Variants in CCPG1 observed in about 807,000 individuals in gnomAD.
The protein encoded by CCPG1 is cell cycle progression protein 1.
A neutral mutation model predicts 81.3 loss-of-function variants in CCPG1; 46 were observed. That is an observed-to-expected ratio of 0.57 (90% CI 0.45 to 0.72). The LOEUF (loss-of-function observed/expected upper bound fraction) is 0.72, where lower values mean the gene tolerates loss of function less well. Among genes scored for constraint, CCPG1 ranks in the 30% least tolerant of loss-of-function variants. CCPG1 has a pLI of 0.00. For missense variants in CCPG1, 902 were observed against 937.6 expected, an observed-to-expected ratio of 0.96 and a Z score of 0.50; for synonymous variants, 330 against 305.2, an observed-to-expected ratio of 1.08 and a Z score of -0.85.
chr15:55,378,368 G>A lies in CCPG1; in HGVS notation c.184C>T (p.Gln62Ter). 6.2e-7 allele frequency: 1 copy of A among 1,605,304 alleles called. No individual in the cohort carries two copies. Among genetic ancestry groups the A allele is most frequent in the Non-Finnish European group, 8.5e-7 (1 of 1,174,678 alleles). Residue 62 changes from glutamine (Q) to a stop codon, truncating the protein, a stop_gained, in exon 4 of 9, where the codon CAA becomes TAA. Transcript: ENST00000442196. LOFTEE classifies it high-confidence loss of function. ...ALQIEQGESS[Q>*]NGTVLMEETA... ...TCTTCCATAAGCACTGTGCCATTTT[G>A]GCTGCTTTCTGATATAAAGCAAAGA...
intron 6 of CCPG1, among the ~76,000 whole-genome samples, chr15:55,368,515 G>A (rs2056378596): frequency 6.6e-6 from 1 of 152,084 alleles, no homozygotes; most frequent in Non-Finnish European, 1.5e-5. Flanking sequence ...CGAAGAGCCG[G>A]GTAGTCTATC....
intron 6 of CCPG1, 42 bp from the exon 7 acceptor site, chr15:55,365,351 TATC>T (rs1482573315): frequency 1.7e-6 from 2 of 1,154,266 alleles, no homozygotes; most frequent in East Asian, 2.4e-5. Flanking sequence ...ACAAAAATAT[TATC>T]ATTAAATGTT....
At chr15:55,405,581 G>A (rs1404379464) in intron 1 of CCPG1, among the ~76,000 whole-genome samples, 1 of 152,100 alleles carries the variant, frequency 6.6e-6, no homozygotes, top group Non-Finnish European at 1.5e-5. Context: ...CTGGTGACAT[G>A]TGCCTGTAGC....
intron 3 of CCPG1, among the ~76,000 whole-genome samples, chr15:55,384,921 G>C (rs1357083285): frequency 4.6e-5 from 7 of 152,128 alleles, no homozygotes. Context: ...TGTGATCAAT[G>C]AATAATTTTT....
At position 55,356,404 on chromosome 15, in the gene CCPG1, G is replaced by C; in HGVS notation, c.2240C>G (p.Pro747Arg). ...TFSPPYGPSR[P>R]DKKQRMVNIE... is the part of the protein sequence containing the mutation. ...ATTTACCATACGTTGCTTTTTATCAGGTCGACTGAAAGCAGTAAACACATT... is the reference window on the plus strand; with the variant it reads ...ATTTACCATACGTTGCTTTTTATCACGTCGACTGAAAGCAGTAAACACATT... Residue 747 changes from proline (P) to arginine (R), a missense_variant, in exon 9 of 9, where the codon CCT (proline) becomes CGT (arginine). By Grantham distance (103) the Pro-to-Arg change is moderately radical. Coordinates refer to ENST00000442196, the MANE Select transcript of CCPG1 (RefSeq NM_001204450.2). The C allele has an allele frequency of 6.6e-7, 1 of 1,524,906 alleles. No individual in the cohort carries two copies. Among genetic ancestry groups the C allele is most frequent in the Non-Finnish European group, 8.8e-7 (1 of 1,142,390 alleles). 94.5% of individuals were successfully genotyped at this position (1,524,906 alleles called of 1,614,324 possible).
At chr15:55,391,671 A>T (rs1273584880) in intron 1 of CCPG1, among the ~76,000 whole-genome samples, 1 of 152,126 alleles carries the variant, frequency 6.6e-6, no homozygotes, top group African/African-American at 2.4e-5. Context: ...GTCAAAATTT[A>T]AAAATTGAGA....
chr15:55,404,800 G>A (rs1240725322), intron 1 of CCPG1, among the ~76,000 whole-genome samples: 5 of 152,112 alleles, frequency 3.3e-5, no homozygotes, highest in African/African-American at 1.2e-4. Context: ...GGCCAGGTGC[G>A]GTGGCTCACG....
chr15:55,374,356 G>A, intron 5 of CCPG1: 8 of 546,032 alleles, frequency 1.5e-5, no homozygotes, highest in Admixed American at 3.3e-5. Context: ...ATTGTTATCC[G>A]TACAAAATTA....
At chr15:55,369,548 AG>A (rs2056405683) in intron 6 of CCPG1, among the ~76,000 whole-genome samples, 1 of 151,846 alleles carries the variant, frequency 6.6e-6, no homozygotes, top group African/African-American at 2.4e-5. Flanking sequence ...AAAAAAAAAA[AG>A]TGATGTCTTT....
At chr15:55,406,760 A>AT (rs2057232879) in intron 1 of CCPG1, among the ~76,000 whole-genome samples, 1 of 151,954 alleles carries the variant, frequency 6.6e-6, no homozygotes, top group Non-Finnish European at 1.5e-5. Context: ...AAAAGAAGTT[A>AT]TGTTCACTTT....
chr15:55,387,310 A>G (rs990707951), intron 2 of CCPG1, among the ~76,000 whole-genome samples: 1 of 152,210 alleles, frequency 6.6e-6, no homozygotes, highest in Non-Finnish European at 1.5e-5. Flanking sequence ...ATTGTTAATT[A>G]TCCTTGAAGG....
intron 3 of CCPG1, among the ~76,000 whole-genome samples, chr15:55,381,456 G>C (rs2056693941): frequency 6.6e-6 from 1 of 151,992 alleles, no homozygotes; most frequent in African/African-American, 2.4e-5. Context: ...AGAAAAAAAA[G>C]AAAATTTTCT....
At chr15:55,397,278 C>T (rs1282308535) in intron 1 of CCPG1, among the ~76,000 whole-genome samples, 1 of 151,020 alleles carries the variant, frequency 6.6e-6, no homozygotes, top group Non-Finnish European at 1.5e-5. Flanking sequence ...AGGGGACAGA[C>T]TGAGTAGGGC....
Position 55,359,881 on chromosome 15 carries a change from C to A in CCPG1, c.1892G>T (p.Gly631Val). The change falls in exon 8 of 9, where the codon GGT becomes GTT. Residue 631 changes from glycine (G) to valine (V), a missense_variant. Transcript: ENST00000442196. ...NSHSFRKACS[G>V]VFDCAQQESM... ...CTCTTGTTGAGCACAATCAAATACA[C>A]CAGAACAAGCCTTTCTGAAAGAATG... 6.2e-7 allele frequency: 1 copy of A among 1,613,794 alleles called. No homozygotes were observed. Among genetic ancestry groups the A allele is most frequent in the Admixed American group, 1.7e-5 (1 of 60,020 alleles).
At chr15:55,401,635 C>T (rs2057131068) in intron 1 of CCPG1, among the ~76,000 whole-genome samples, 1 of 149,710 alleles carries the variant, frequency 6.7e-6, no homozygotes, top group Non-Finnish European at 1.5e-5. Flanking sequence ...CATTTCACTC[C>T]AGCCTGGGCG....
intron 7 of CCPG1, among the ~76,000 whole-genome samples, chr15:55,362,629 C>T (rs2056226490): frequency 6.6e-6 from 1 of 152,178 alleles, no homozygotes; most frequent in Non-Finnish European, 1.5e-5. Context: ...CAGCATTCCT[C>T]GTGCAGTAAA....
Position 55,359,521 on chromosome 15 carries a change from G to A in CCPG1, c.2234+18C>T, listed in dbSNP as rs373028985. 7.1e-5 allele frequency: 112 copies of A among 1,570,964 alleles called. No individual in the cohort carries two copies. The highest frequency in any genetic ancestry group is 2.5e-4 in the African/African-American group (18 of 72,946). ...ATGTTACAAACTACTGTAATGACAC[G>A]GTTTTATGTAAACCGACCTGGGTCC... On this transcript the variant is annotated intron_variant, in intron 8 of 8. Transcript: ENST00000442196.
rs750965809 is a variant in CCPG1 at position 55,360,139 on chromosome 15, T to G, written c.1634A>C (p.Asp545Ala). 2 of 1,613,642 alleles carry G rather than the reference T, an allele frequency of 1.2e-6. No individual in the cohort carries two copies. Among genetic ancestry groups the G allele is most frequent in the Non-Finnish European group, 8.5e-7 (1 of 1,179,912 alleles). Residue 545 changes from aspartate (D) to alanine (A), a missense_variant, in exon 8 of 9, where the codon GAT becomes GCT. Physicochemically the swap from Asp to Ala is moderately radical, Grantham distance 126 (BLOSUM62 -2). Transcript: ENST00000442196. ...HFKDTTKNIF[D>A]EKGNKRFGAT... ...ACCAAATCTTTTATTACCCTTTTCA[T>G]CAAAGATATTCTTGGTGGTATCTTT...
rs751340553 is a variant in CCPG1, at chr15:55,385,673, G to C, written c.102C>G (p.Asp34Glu). 1.2e-6 allele frequency: 2 copies of C among 1,611,338 alleles called. No individual in the cohort carries two copies. The highest frequency in any genetic ancestry group is 2.7e-5 in the African/African-American group (2 of 74,798). Residue 34 changes from aspartate (D) to glutamate (E), a missense_variant, in exon 3 of 9, where the codon GAC becomes GAG. By Grantham distance (45) the Asp-to-Glu change is conservative. Transcript: ENST00000442196. Reference sequence around the variant, plus strand: ...AACATTCTGGGGCGGGCTCACAGCTGTCAGTGGGGGTCACAGAATTCAACA... The same window carrying C: ...AACATTCTGGGGCGGGCTCACAGCTCTCAGTGGGGGTCACAGAATTCAACA... ...IEMLNSVTPT[D>E]SCEPAPECSS...
Sources: gnomAD v4.1 joint callset for allele counts (sites outside exome capture counted in the v4.1 genomes callset) on GRCh38, gnomAD v4.1.1 for gene constraint, MANE v1.5 for transcripts, NCBI Gene and HGNC (gene_info 2026-07-23, HGNC 2026-07-21) for gene names.